Variants in ATXN3 observed in about 807,000 individuals in gnomAD.
ATXN3 encodes ataxin-3.
Under a neutral mutation model 58.2 loss-of-function variants are expected in ATXN3, and 28 were observed. The observed-to-expected ratio is 0.48, with a 90% CI of 0.36 to 0.66. ATXN3 has a LOEUF of 0.66. ATXN3 is among the 30% of genes least tolerant of loss of function. ATXN3 has a pLI of 0.00. For missense variants in ATXN3, 321 were observed against 422.1 expected (o/e 0.76, Z 2.10); for synonymous variants, 113 against 138.5 (o/e 0.82, Z 1.29).
At chr14:92,106,381 A>T (rs1014294394) in intron 1 of ATXN3, 148 bp downstream of exon 1, 5 of 982,348 alleles carry the variant, frequency 5.1e-6, no homozygotes, top group Non-Finnish European at 7.7e-6. Flanking sequence ...CGAGCCGAGG[A>T]GGCGGGAGGC....
chr14:92,089,233 G>A (rs1182283658), intron 5 of ATXN3, among the ~76,000 whole-genome samples: 1 of 150,944 alleles, frequency 6.6e-6, no homozygotes, highest in Non-Finnish European at 1.5e-5. Flanking sequence ...TGGCCAGGCT[G>A]GTCTCAAACT....
chr14:92,082,432 C>T lies in ATXN3; in HGVS notation c.643G>A (p.Ala215Thr). The T allele has an allele frequency of 6.2e-7, 1 of 1,614,108 alleles. No individual in the cohort carries two copies. Among genetic ancestry groups the T allele is most frequent in the East Asian group, 2.2e-5 (1 of 44,878 alleles). Residue 215 changes from alanine to threonine, a missense_variant, in exon 8 of 11, where the codon GCA (alanine) becomes ACA (threonine). By Grantham distance (58) the Ala-to-Thr change is moderately conservative. This residue lies in a region of ATXN3 where 200 missense variants were observed against 223.2 expected (regional missense o/e 0.90). Transcript: ENST00000644486. ...TCTAACATTCCTGAGCCATCATTTG[C>T]TTCTAACACTCGTTCCAGGTCTGTT... ...HKTDLERVLE[A>T]NDGSGMLDED...
rs554711538 is a variant in ATXN3, at chr14:92,074,012, CAAAAAA to C, written c.873-2965_873-2960del. Among the ~76,000 whole-genome samples, 5 of 74,788 alleles carry C rather than the reference CAAAAAA, an allele frequency of 6.7e-5. No homozygotes were observed. In the East Asian group the frequency reaches 1.3e-3, roughly 20 times the overall value. The allele number at this position is 74,788 out of a possible 152,430, so 49.1% of individuals were successfully genotyped here. A position where few individuals can be genotyped will look rare whatever the true frequency, so the allele number is the denominator to read the frequency against. Reference sequence around the variant, plus strand: ...TGGGCAACAGAGTGAGACTCCACCTCAAAAAAAAAAAAAAAAAAAAAAGGGAGAAAT... The same window carrying C: ...TGGGCAACAGAGTGAGACTCCACCTCAAAAAAAAAAAAAAAAGGGAGAAAT... On this transcript the variant is annotated intron_variant, in intron 9 of 10. Coordinates refer to ENST00000644486, the MANE Select transcript of ATXN3 (RefSeq NM_004993.6).
intron 7 of ATXN3, 56 bp downstream of exon 7, chr14:92,083,070 T>G (rs1360474127): frequency 1.3e-6 from 2 of 1,547,070 alleles, no homozygotes; most frequent in East Asian, 2.3e-5. Flanking sequence ...GCATGAAAAT[T>G]TAATTCTCAT....
chr14:92,059,333 A>T lies in ATXN3; in HGVS notation c.*4987T>A, dbSNP rs532290325. The T allele has an allele frequency of 2.3e-4, 35 of 152,346 alleles. No individual in the cohort carries two copies. Among genetic ancestry groups the T allele is most frequent in the Non-Finnish European group, 4.6e-4 (31 of 68,032 alleles). 9.4% of individuals were successfully genotyped at this position (152,346 alleles called of 1,614,324 possible). A position where few individuals can be genotyped will look rare whatever the true frequency, so the allele number is the denominator to read the frequency against. Reference sequence around the variant, plus strand: ...TTTAAGACTAAAAAAATACAAAGCCAGGTCATTTTTTAAAGCAAAAAGATG... The same window carrying T: ...TTTAAGACTAAAAAAATACAAAGCCTGGTCATTTTTTAAAGCAAAAAGATG... On this transcript the variant is annotated 3_prime_UTR_variant, in exon 11 of 11. Transcript: ENST00000644486.
chr14:92,052,866 T>C (rs2057453372), upstream of ATXN3, among the ~76,000 whole-genome samples: 1 of 152,208 alleles, frequency 6.6e-6, no homozygotes, highest in African/African-American at 2.4e-5. Context: ...AGGCTTTGCT[T>C]GATAGGCTCC....
rs1226725848 is a variant in ATXN3, at chr14:92,063,466, T to C, written c.*854A>G. 1.3e-5 allele frequency: 2 copies of C among 152,106 alleles called. No individual in the cohort carries two copies. Among genetic ancestry groups the C allele is most frequent in the African/African-American group, 4.8e-5 (2 of 41,420 alleles). The allele number at this position is 152,106 out of a possible 1,614,324, so 9.4% of individuals were successfully genotyped here. A position where few individuals can be genotyped will look rare whatever the true frequency, so the allele number is the denominator to read the frequency against. On this transcript the variant is annotated 3_prime_UTR_variant, in exon 11 of 11. Coordinates refer to ENST00000644486, the MANE Select transcript of ATXN3 (RefSeq NM_004993.6). Reference sequence around the variant, plus strand: ...ACTATGCTTCTCCTAGTTTTCTCAATTGGAGAAGAAAGGAAAAAATAAGGC... The same window carrying C: ...ACTATGCTTCTCCTAGTTTTCTCAACTGGAGAAGAAAGGAAAAAATAAGGC...
chr14:92,065,087 G>A (rs780075943), intron 10 of ATXN3, among the ~76,000 whole-genome samples: 2 of 152,142 alleles, frequency 1.3e-5, no homozygotes, highest in Non-Finnish European at 2.9e-5. Context: ...AGATCTCCCT[G>A]CTATCGATTT....
intron 1 of ATXN3, 41 bp downstream of exon 1, chr14:92,106,488 A>G: frequency 6.2e-7 from 1 of 1,607,706 alleles, no homozygotes; most frequent in Non-Finnish European, 8.5e-7. Flanking sequence ...CACGCCCGCC[A>G]CCGCGCGGCA....
rs1236308684 is a variant in ATXN3, at chr14:92,061,979, G to A, written c.*2341C>T. On this transcript the variant is annotated 3_prime_UTR_variant, in exon 11 of 11. Coordinates refer to ENST00000644486, the MANE Select transcript of ATXN3 (RefSeq NM_004993.6). ...GCTTTAAAAACTCTCTAGCTGGCCAGGCGCAGTGGCTCATGCCTGTAATCC... is the reference window on the plus strand; with the variant it reads ...GCTTTAAAAACTCTCTAGCTGGCCAAGCGCAGTGGCTCATGCCTGTAATCC... The A allele has an allele frequency of 6.6e-6, 1 of 152,370 alleles. No individual in the cohort carries two copies. The highest frequency in any genetic ancestry group is 6.5e-5 in the Admixed American group (1 of 15,282). The allele number at this position is 152,370 out of a possible 1,614,324, so 9.4% of individuals were successfully genotyped here. A position where few individuals can be genotyped will look rare whatever the true frequency, so the allele number is the denominator to read the frequency against.
intron 8 of ATXN3, among the ~76,000 whole-genome samples, chr14:92,081,351 T>TA (rs1480046979): frequency 2.9e-5 from 4 of 138,200 alleles, no homozygotes; most frequent in Non-Finnish European, 4.7e-5. Context: ...TAGGCGCCTG[T>TA]AGTCCCAGCT....
At chr14:92,075,644 C>T (rs968764790) in intron 9 of ATXN3, among the ~76,000 whole-genome samples, 1 of 152,074 alleles carries the variant, frequency 6.6e-6, no homozygotes, top group Non-Finnish European at 1.5e-5. Context: ...GCACCAGGGT[C>T]AATTTGGGAA....
upstream of ATXN3, among the ~76,000 whole-genome samples, chr14:92,051,713 C>T (rs1317641158): frequency 3.7e-4 from 26 of 69,604 alleles, no homozygotes; most frequent in Middle Eastern, 8.1e-3. Context: ...TTCTTCTTTT[C>T]CTTTCTTTTT....
At chr14:92,097,594 C>T (rs1162970592) in intron 1 of ATXN3, among the ~76,000 whole-genome samples, 2 of 150,752 alleles carry the variant, frequency 1.3e-5, no homozygotes, top group South Asian at 2.1e-4. Context: ...GGCATGATCT[C>T]GGCTCACTGT....
At chr14:92,051,978 G>C (rs969639822), upstream of ATXN3, among the ~76,000 whole-genome samples, 3 of 151,320 alleles carry the variant, frequency 2.0e-5, no homozygotes, top group Non-Finnish European at 4.4e-5. Flanking sequence ...ACCCGCCTTG[G>C]CCTCCCAAAG....
At chr14:92,074,859 T>G (rs935854086) in intron 9 of ATXN3, among the ~76,000 whole-genome samples, 29 of 152,238 alleles carry the variant, frequency 1.9e-4, no homozygotes, top group African/African-American at 7.0e-4. Flanking sequence ...TTGCAACTTA[T>G]GTTTTTTGTA....
upstream of ATXN3, among the ~76,000 whole-genome samples, chr14:92,052,392 G>A (rs1334526435): frequency 1.3e-5 from 2 of 152,016 alleles, no homozygotes; most frequent in Admixed American, 1.3e-4. Flanking sequence ...GGAGGCTGAG[G>A]CAGGAGAATC....
At chr14:92,057,438 G>C (rs372194482), downstream of ATXN3, among the ~76,000 whole-genome samples, 71 of 150,324 alleles carry the variant, frequency 4.7e-4, 1 homozygote, top group African/African-American at 1.5e-3. Context: ...GCGGGGGGAG[G>C]GGGCGCGGGG....
chr14:92,091,027 T>C (rs2063669191), intron 5 of ATXN3, among the ~76,000 whole-genome samples: 1 of 148,262 alleles, frequency 6.7e-6, no homozygotes, highest in Non-Finnish European at 1.5e-5. Flanking sequence ...CTCAGTGATC[T>C]CCCTGCCTCA....
Sources: gnomAD v4.1 joint callset for allele counts (sites outside exome capture counted in the v4.1 genomes callset) on GRCh38, gnomAD v4.1.1 for gene constraint, gnomAD v4.1.1 regional missense constraint, MANE v1.5 for transcripts, NCBI Gene and HGNC (gene_info 2026-07-23, HGNC 2026-07-21) for gene names.